OLFM4: variants seen among roughly 807,000 people sequenced by gnomAD.
The protein encoded by OLFM4 is olfactomedin 4.
OLFM4 carries 22 observed loss-of-function variants against 25.5 expected under a neutral mutation model. The observed-to-expected ratio is 0.86, with a 90% CI of 0.62 to 1.23. The LOEUF (loss-of-function observed/expected upper bound fraction) is 1.23. Among genes scored for constraint, OLFM4 ranks in the 50% most tolerant of loss-of-function variants. The probability of loss-of-function intolerance (pLI) is 0.00; values close to 1 mark genes in which losing one functional copy is unlikely to be tolerated. For synonymous variants in OLFM4, 255 were observed against 237.7 expected (o/e 1.07, Z -0.67); for missense variants, 594 against 619.4 (o/e 0.96, Z 0.44).
intron 4 of OLFM4, among the ~76,000 whole-genome samples, chr13:53,049,702 C>A (rs755971616): frequency 1.3e-5 from 2 of 152,144 alleles, no homozygotes; most frequent in Non-Finnish European, 2.9e-5. Flanking sequence ...ATAGTTCTTG[C>A]TGGTTTCATT....
intron 1 of OLFM4, among the ~76,000 whole-genome samples, chr13:53,030,591 G>A (rs772034321): frequency 6.6e-6 from 1 of 152,114 alleles, no homozygotes; most frequent in East Asian, 1.9e-4. Flanking sequence ...ATGAGCCACC[G>A]CACCTGGCCT....
At position 53,029,016 on chromosome 13, in the gene OLFM4, A is replaced by C; in HGVS notation, c.180A>C (p.Leu60Phe). 6.2e-7 allele frequency: 1 copy of C among 1,614,170 alleles called. No homozygotes were observed. Among genetic ancestry groups the C allele is most frequent in the Non-Finnish European group, 8.5e-7 (1 of 1,180,028 alleles). ...CGGGCTCCAGCTCCAGCCGCAGCTT[A>C]GGCAGCGGAGGTTCTGTGTCCCAGG... ...SRSGSSSSRS[L>F]GSGGSVSQLF... Residue 60 changes from leucine to phenylalanine, a missense_variant, in exon 1 of 5, where the codon TTA becomes TTC. Coordinates refer to ENST00000219022, the MANE Select transcript of OLFM4 (RefSeq NM_006418.5).
chr13:53,036,138 T>C (rs942824367), intron 2 of OLFM4, among the ~76,000 whole-genome samples: 3 of 152,228 alleles, frequency 2.0e-5, no homozygotes, highest in Non-Finnish European at 4.4e-5. Context: ...AGATAAATAT[T>C]CTAAGTTTAA....
chr13:53,039,140 C>A (rs1954674637), intron 2 of OLFM4, among the ~76,000 whole-genome samples: 1 of 152,208 alleles, frequency 6.6e-6, no homozygotes, highest in African/African-American at 2.4e-5. Context: ...TTGAATCACT[C>A]ATTTTTGTAG....
At chr13:53,048,878 T>A (rs79829906) in intron 4 of OLFM4, among the ~76,000 whole-genome samples, 2,796 of 152,344 alleles carry the variant, frequency 0.018, 90 homozygotes, top group African/African-American at 0.064. Flanking sequence ...TGAGTTTTTT[T>A]GAGTGTTAAG....
intron 4 of OLFM4, among the ~76,000 whole-genome samples, chr13:53,045,773 T>C (rs1008826776): frequency 6.6e-6 from 1 of 152,220 alleles, no homozygotes; most frequent in Non-Finnish European, 1.5e-5. Flanking sequence ...TGCTTCCTAT[T>C]TGGTTTTTGC....
chr13:53,051,715 G>T lies in OLFM4; in HGVS notation c.*944G>T, dbSNP rs1954750218. 1 of 152,176 alleles carries T rather than the reference G, an allele frequency of 6.6e-6. No individual in the cohort carries two copies. Among genetic ancestry groups the T allele is most frequent in the South Asian group, 2.1e-4 (1 of 4,828 alleles). 9.4% of individuals were successfully genotyped at this position (152,176 alleles called of 1,614,324 possible). On this transcript the variant is annotated 3_prime_UTR_variant, in exon 5 of 5. Coordinates refer to ENST00000219022, the MANE Select transcript of OLFM4 (RefSeq NM_006418.5). ...CAGTGACAAAGTGCTAGCATTTATT[G>T]TTATCTAATAAAGACCTTGGAGCAT...
intron 2 of OLFM4, among the ~76,000 whole-genome samples, chr13:53,034,762 A>G (rs961879637): frequency 6.6e-6 from 1 of 152,196 alleles, no homozygotes; most frequent in African/African-American, 2.4e-5. Flanking sequence ...AGGCAGTTGG[A>G]AAGAAGCCTT....
intron 2 of OLFM4, among the ~76,000 whole-genome samples, chr13:53,038,687 T>TGCCA (rs1195211251): frequency 1.3e-5 from 2 of 152,224 alleles, no homozygotes; most frequent in Non-Finnish European, 2.9e-5. Flanking sequence ...GTGCCCCAAG[T>TGCCA]GCCAGATGTG....
At chr13:53,039,601 G>A (rs932199413) in intron 2 of OLFM4, among the ~76,000 whole-genome samples, 1 of 152,266 alleles carries the variant, frequency 6.6e-6, no homozygotes, top group South Asian at 2.1e-4. Context: ...GTATTTGGGA[G>A]GATGTGTGTA....
In OLFM4 at chr13:53,032,559, A is replaced by G. The variant is rs1030585349; in HGVS notation, c.205-1789A>G. Among the ~76,000 whole-genome samples the G allele has an allele frequency of 4.6e-5, 7 of 152,012 alleles. No individual in the cohort carries two copies. In the East Asian group the frequency reaches 7.8e-4, roughly 17 times the overall value. Reference sequence around the variant, plus strand: ...CATCTCTGGCAAAGACCCTTCCCCTATTCAAACCCTGCTGTCCACCCCTAT... The same window carrying G: ...CATCTCTGGCAAAGACCCTTCCCCTGTTCAAACCCTGCTGTCCACCCCTAT... On this transcript the variant is annotated intron_variant, in intron 1 of 4. Coordinates refer to ENST00000219022, the MANE Select transcript of OLFM4 (RefSeq NM_006418.5).
At chr13:53,043,775 T>A (rs1431214271) in intron 4 of OLFM4, among the ~76,000 whole-genome samples, 1 of 152,156 alleles carries the variant, frequency 6.6e-6, no homozygotes, top group Admixed American at 6.5e-5. Context: ...CCTGCTATAT[T>A]GTGTGTCCTG....
chr13:53,045,876 T>C (rs763629087), intron 4 of OLFM4, among the ~76,000 whole-genome samples: 1 of 152,212 alleles, frequency 6.6e-6, no homozygotes, highest in African/African-American at 2.4e-5. Flanking sequence ...CCTTAAAACT[T>C]CAGTCTGTCT....
At chr13:53,047,909 G>A (rs761415529) in intron 4 of OLFM4, among the ~76,000 whole-genome samples, 9 of 152,122 alleles carry the variant, frequency 5.9e-5, no homozygotes, top group South Asian at 2.1e-4. Context: ...TGTTGCTGTC[G>A]GTTTGGGATA....
chr13:53,042,904 C>T (rs1954694999), intron 3 of OLFM4, among the ~76,000 whole-genome samples: 1 of 152,156 alleles, frequency 6.6e-6, no homozygotes, highest in Non-Finnish European at 1.5e-5. Flanking sequence ...TTGCCATTTT[C>T]TTCTTGTCAC....
Position 53,050,511 on chromosome 13 carries a change from C to A in OLFM4, c.1273C>A (p.Gln425Lys), listed in dbSNP as rs1047048114. The A allele has an allele frequency of 1.9e-6, 3 of 1,614,056 alleles. No individual in the cohort carries two copies. Among genetic ancestry groups the A allele is most frequent in the Admixed American group, 3.3e-5 (2 of 60,004 alleles). The change falls in exon 5 of 5, where the codon CAG becomes AAG. Residue 425 changes from glutamine to lysine, a missense_variant. Physicochemically the swap from Gln to Lys is moderately conservative, Grantham distance 53. Coordinates refer to ENST00000219022, the MANE Select transcript of OLFM4 (RefSeq NM_006418.5). ...GGTGCTAAACACTTGGTATACCAAGCAGTATAAACCATCTGCTTCTAACGC... is the reference window on the plus strand; with the variant it reads ...GGTGCTAAACACTTGGTATACCAAGAAGTATAAACCATCTGCTTCTAACGC... ...LQVLNTWYTK[Q>K]YKPSASNAFM... is the part of the protein sequence containing the mutation.
At chr13:53,049,850 T>C (rs1322398683) in intron 4 of OLFM4, 119 bp from the exon 5 acceptor site, 2 of 1,066,898 alleles carry the variant, frequency 1.9e-6, no homozygotes, top group Non-Finnish European at 2.7e-6. Context: ...ACCACTGTTG[T>C]TATTGAACCT....
intron 2 of OLFM4, among the ~76,000 whole-genome samples, chr13:53,036,428 G>A (rs1358712386): frequency 6.6e-6 from 1 of 152,200 alleles, no homozygotes. Flanking sequence ...GCTGGCAGCA[G>A]TGTGAAAGGC....
chr13:53,049,883 T>C (rs1954735818), intron 4 of OLFM4, 86 bp from the exon 5 acceptor site: 2 of 1,357,634 alleles, frequency 1.5e-6, no homozygotes, highest in African/African-American at 2.9e-5. Context: ...TATTTATAGA[T>C]TCCTTTGGTG....
Sources: allele counts gnomAD v4.1 joint callset (sites outside exome capture counted in the v4.1 genomes callset), GRCh38; gene constraint gnomAD v4.1.1; transcripts MANE v1.5; gene names NCBI Gene and HGNC (gene_info 2026-07-23, HGNC 2026-07-21).